HIPK2: variants seen among roughly 807,000 people sequenced by gnomAD.
HIPK2 encodes the protein homeodomain-interacting protein kinase 2.
HIPK2 carries 27 observed loss-of-function variants against 113.7 expected under a neutral mutation model. The observed-to-expected ratio is 0.24, with a 90% confidence interval of 0.17 to 0.33. The LOEUF (loss-of-function observed/expected upper bound fraction) is 0.33. HIPK2 is among the 10% of genes least tolerant of loss of function. HIPK2 has a pLI of 1.00. For synonymous variants in HIPK2, 631 were observed against 642.2 expected (o/e 0.98, Z 0.26); for missense variants, 1,257 against 1,588.0 (o/e 0.79, Z 3.54).
At chr7:139,605,367 G>A (rs140692723) in intron 9 of HIPK2, among the ~76,000 whole-genome samples, 3 of 151,938 alleles carry the variant, frequency 2.0e-5, no homozygotes, top group Admixed American at 6.6e-5. Context: ...GACACTTAAA[G>A]CATAGTCACT....
At chr7:139,681,999 C>T (rs1802717218) in intron 2 of HIPK2, among the ~76,000 whole-genome samples, 1 of 152,172 alleles carries the variant, frequency 6.6e-6, no homozygotes, top group African/African-American at 2.4e-5. Flanking sequence ...ATCTGGCTGA[C>T]ACTCCTGTTA....
intron 2 of HIPK2, among the ~76,000 whole-genome samples, chr7:139,708,709 C>T (rs925114865): frequency 1.6e-4 from 24 of 152,204 alleles, no homozygotes; most frequent in Admixed American, 6.5e-4. Context: ...TAAGTGTGTG[C>T]GTGTGCCCTT....
intron 2 of HIPK2, among the ~76,000 whole-genome samples, chr7:139,707,028 C>T (rs946867604): frequency 1.3e-5 from 2 of 152,214 alleles, no homozygotes; most frequent in African/African-American, 4.8e-5. Flanking sequence ...CTGGGGAGCC[C>T]TCAACCCCTG....
intron 2 of HIPK2, among the ~76,000 whole-genome samples, chr7:139,663,793 C>G (rs1001166521): frequency 1.3e-5 from 2 of 152,210 alleles, no homozygotes; most frequent in Admixed American, 1.3e-4. Context: ...ACCTTTGAAG[C>G]TGGAGACAGA....
At chr7:139,600,696 T>C (rs1799394273) in intron 10 of HIPK2, 100 bp from the exon 11 acceptor site, 2 of 1,352,498 alleles carry the variant, frequency 1.5e-6, no homozygotes, top group African/African-American at 1.5e-5. Flanking sequence ...CTGACTGCAG[T>C]TGGTTATCTC....
At chr7:139,724,616 G>A (rs1795514652) in intron 1 of HIPK2, among the ~76,000 whole-genome samples, 2 of 151,394 alleles carry the variant, frequency 1.3e-5, no homozygotes, top group Non-Finnish European at 2.9e-5. Flanking sequence ...GTGCCATGCT[G>A]GTGTGCTGCA....
intron 2 of HIPK2, among the ~76,000 whole-genome samples, chr7:139,711,386 C>T (rs1458884471): frequency 6.6e-6 from 1 of 152,032 alleles, no homozygotes; most frequent in Non-Finnish European, 1.5e-5. Flanking sequence ...CGAGATCGCA[C>T]CACTGCACTC....
Position 139,567,251 on chromosome 7 carries a change from A to C in HIPK2, c.*5676T>G, listed in dbSNP as rs1798121206. 1 of 152,246 alleles carries C rather than the reference A, an allele frequency of 6.6e-6. No homozygotes were observed. Among genetic ancestry groups the C allele is most frequent in the Non-Finnish European group, 1.5e-5 (1 of 68,062 alleles). 9.4% of individuals were successfully genotyped at this position (152,246 alleles called of 1,614,324 possible). On this transcript the variant is annotated 3_prime_UTR_variant, in exon 15 of 15. Transcript: ENST00000406875. ...CCCTTGATGCAACTGAACTCCTGGC[A>C]GCCCTGCTTTGCTCTCTCCCATGGT...
intron 1 of HIPK2, among the ~76,000 whole-genome samples, chr7:139,769,434 C>G (rs1796612948): frequency 1.3e-5 from 2 of 152,224 alleles, no homozygotes; most frequent in Non-Finnish European, 2.9e-5. Context: ...ATATCGGTCC[C>G]CTTCTCCACA....
At chr7:139,755,610 C>A (rs776144559) in intron 1 of HIPK2, among the ~76,000 whole-genome samples, 1 of 152,234 alleles carries the variant, frequency 6.6e-6, no homozygotes, top group Admixed American at 6.5e-5. Flanking sequence ...ACTGTAAACA[C>A]GCTCAGAACT....
chr7:139,611,688 T>G (rs927098566), intron 9 of HIPK2, among the ~76,000 whole-genome samples: 3 of 152,250 alleles, frequency 2.0e-5, no homozygotes, highest in African/African-American at 7.2e-5. Context: ...ACTGCAGGCA[T>G]GTGCCACCAT....
At chr7:139,638,076 CT>C (rs1800870825) in intron 2 of HIPK2, among the ~76,000 whole-genome samples, 1 of 152,198 alleles carries the variant, frequency 6.6e-6, no homozygotes, top group African/African-American at 2.4e-5. Flanking sequence ...GCCCAAACCT[CT>C]TATTTTATGG....
chr7:139,684,681 C>T (rs1432293456), intron 2 of HIPK2, among the ~76,000 whole-genome samples: 3 of 152,166 alleles, frequency 2.0e-5, no homozygotes, highest in Non-Finnish European at 4.4e-5. Context: ...TGCACCAATG[C>T]ACTCCAGCCT....
chr7:139,598,783 G>A (rs1585256502), intron 11 of HIPK2, among the ~76,000 whole-genome samples: 1 of 152,220 alleles, frequency 6.6e-6, no homozygotes, highest in African/African-American at 2.4e-5. Context: ...GCTAAGCTCA[G>A]TCCTGGGACA....
intron 1 of HIPK2, among the ~76,000 whole-genome samples, chr7:139,761,500 A>G (rs1569485536): frequency 6.6e-6 from 1 of 152,184 alleles, no homozygotes; most frequent in Non-Finnish European, 1.5e-5. Flanking sequence ...AGTCAAAAAC[A>G]ACTTGAATCC....
Position 139,641,320 on chromosome 7 carries a change from G to C in HIPK2, c.1104-9595C>G, listed in dbSNP as rs149778635. Among the ~76,000 whole-genome samples, 609 of 149,522 alleles carry C rather than the reference G, an allele frequency of 4.1e-3. 4 individuals are homozygous for C. Among genetic ancestry groups the C allele is most frequent in the African/African-American group, 0.014 (560 of 40,242 alleles). On this transcript the variant is annotated intron_variant, in intron 2 of 14. Transcript: ENST00000406875. ...GTGGAGGTTGCAGTGAGCTGAGATT[G>C]CGCCACTACACTCCAGCCTGGGTGA...
intron 2 of HIPK2, among the ~76,000 whole-genome samples, chr7:139,653,528 C>A (rs1430821723): frequency 6.6e-6 from 1 of 151,420 alleles, no homozygotes; most frequent in African/African-American, 2.4e-5. Flanking sequence ...CTGTTACAGA[C>A]ATGCCATTGA....
At chr7:139,615,126 C>G (rs1305606681) in intron 7 of HIPK2, among the ~76,000 whole-genome samples, 4 of 152,222 alleles carry the variant, frequency 2.6e-5, no homozygotes, top group Admixed American at 6.5e-5. Context: ...CTTGCAGGCC[C>G]TAAAGGACTA....
intron 10 of HIPK2, 29 bp downstream of exon 10, chr7:139,604,052 C>T (rs765555485): frequency 6.2e-7 from 1 of 1,613,404 alleles, no homozygotes; most frequent in East Asian, 2.2e-5. Context: ...CAGACACACC[C>T]ACTCACCCTA....
Sources: allele counts gnomAD v4.1 joint callset (sites outside exome capture counted in the v4.1 genomes callset), GRCh38; gene constraint gnomAD v4.1.1; transcripts MANE v1.5; gene names NCBI Gene and HGNC (gene_info 2026-07-23, HGNC 2026-07-21).